The following TCN2 variants were observed in gnomAD, a reference collection of about 807,000 sequenced individuals.
TCN2 encodes transcobalamin-2.
A neutral mutation model predicts 48.6 loss-of-function variants in TCN2; 34 were observed. The ratio of observed to expected loss-of-function variants is 0.70; its 90% CI spans 0.53 to 0.93. The LOEUF (loss-of-function observed/expected upper bound fraction) is 0.93, where lower values mean the gene tolerates loss of function less well. Among genes scored for constraint, TCN2 ranks in the 40% least tolerant of loss-of-function variants. The pLI is 0.00. For synonymous variants in TCN2, 283 were observed against 212.5 expected, an observed-to-expected ratio of 1.33 and a Z score of -2.89; for missense variants, 652 against 526.1, an observed-to-expected ratio of 1.24 and a Z score of -2.34.
chr22:30,616,783 A>G (rs1482825009), intron 6 of TCN2, among the ~76,000 whole-genome samples: 1 of 152,216 alleles, frequency 6.6e-6, no homozygotes, highest in Non-Finnish European at 1.5e-5. Context: ...CCTGGGCGAC[A>G]GTGTGAGACT....
rs538876353 is a variant in TCN2 at position 30,607,186 on chromosome 22, G to A, written c.-146G>A. ...GCCCCACCCCTCTGCAGACTTAGCC[G>A]TGCATTGCAGGCATGGAGGATTAAT... is the stretch of plus-strand genomic sequence containing the variant. On this transcript the variant is annotated 5_prime_UTR_variant, in exon 1 of 9. The change creates a new upstream start codon in the 5' untranslated region. Coordinates refer to ENST00000215838, the MANE Select transcript of TCN2 (RefSeq NM_000355.4). 11 of 750,880 alleles carry A rather than the reference G, an allele frequency of 1.5e-5. No individual in the cohort carries two copies. Among genetic ancestry groups the A allele is most frequent in the Admixed American group, 3.8e-5 (2 of 53,052 alleles). The allele number at this position is 750,880 out of a possible 1,614,324, so 46.5% of individuals were successfully genotyped here.
chr22:30,626,305 T>A (rs2087808791), intron 8 of TCN2, among the ~76,000 whole-genome samples, 155 bp from the exon 9 acceptor site: 1 of 152,106 alleles, frequency 6.6e-6, no homozygotes, highest in South Asian at 2.1e-4. Context: ...GTTCAGAGTC[T>A]TTGAGCAGGC....
intron 2 of TCN2, among the ~76,000 whole-genome samples, chr22:30,611,432 C>T (rs144401953): frequency 1.2e-4 from 18 of 152,338 alleles, no homozygotes; most frequent in African/African-American, 4.1e-4. Flanking sequence ...GAAGCAGCAT[C>T]TGACTCTGTA....
intron 2 of TCN2, among the ~76,000 whole-genome samples, chr22:30,612,462 A>C (rs2087555635): frequency 6.6e-6 from 1 of 152,282 alleles, no homozygotes. Context: ...AGGCAGAAGA[A>C]TCGCTTGAAC....
At position 30,615,679 on chromosome 22, in the gene TCN2, C is replaced by G. The variant is rs1345486535; in HGVS notation, c.832C>G (p.Leu278Val). 1 of 1,614,114 alleles carries G rather than the reference C, an allele frequency of 6.2e-7. No homozygotes were observed. Among genetic ancestry groups the G allele is most frequent in the Admixed American group, 1.7e-5 (1 of 60,010 alleles). ...GGCGAGGGTTGCTTTGCTGGCCAGT[C>G]TGCAGGATGGAGCCTTCCAGAATGC... is the stretch of plus-strand genomic sequence containing the variant. ...LKARVALLAS[L>V]QDGAFQNALM... Residue 278 changes from leucine (L) to valine (V), a missense_variant, in exon 6 of 9, where the codon CTG (leucine) becomes GTG (valine). Coordinates refer to ENST00000215838, the MANE Select transcript of TCN2 (RefSeq NM_000355.4).
At chr22:30,608,988 G>A (rs1255908197) in intron 1 of TCN2, among the ~76,000 whole-genome samples, 1 of 152,208 alleles carries the variant, frequency 6.6e-6, no homozygotes, top group East Asian at 1.9e-4. Flanking sequence ...TATCTGTAAA[G>A]TGGGCTAAGA....
chr22:30,623,173 C>T (rs1336066460), intron 8 of TCN2, 90 bp downstream of exon 8: 1 of 1,297,998 alleles, frequency 7.7e-7, no homozygotes, highest in Non-Finnish European at 1.1e-6. Flanking sequence ...CTTTCCCTAG[C>T]ACCCTCCTGG....
intron 4 of TCN2, 64 bp from the exon 5 acceptor site, chr22:30,615,237 G>T: frequency 6.3e-7 from 1 of 1,581,750 alleles, no homozygotes. Flanking sequence ...TGACCCTCAA[G>T]CCCCTGCCTG....
rs370882214 is a variant in TCN2 at position 30,607,234 on chromosome 22, T to G, written c.-98T>G. 350 of 1,307,436 alleles carry G rather than the reference T, an allele frequency of 2.7e-4. 2 individuals are homozygous for G. The African/African-American group carries it at 4.7e-3, about 18-fold the overall frequency. The allele number at this position is 1,307,436 out of a possible 1,614,324, so 81.0% of individuals were successfully genotyped here. A position where few individuals can be genotyped will look rare whatever the true frequency, so the allele number is the denominator to read the frequency against. On this transcript the variant is annotated 5_prime_UTR_variant, in exon 1 of 9. Transcript: ENST00000215838. ...AATCAGTGACAGGAAGCTGCGTCTC[T>G]CGGAGCGGTGACCAGCTGTGGTCAG... is the stretch of plus-strand genomic sequence containing the variant.
chr22:30,614,541 C>T (rs760315833), intron 4 of TCN2, 40 bp downstream of exon 4: 2 of 1,612,858 alleles, frequency 1.2e-6, no homozygotes, highest in Non-Finnish European at 1.7e-6. Flanking sequence ...GCTGGCACTC[C>T]CTCAGTCCCC....
chr22:30,610,494 G>T (rs900178719), intron 1 of TCN2, among the ~76,000 whole-genome samples: 4 of 152,236 alleles, frequency 2.6e-5, no homozygotes, highest in African/African-American at 9.6e-5. Flanking sequence ...CCTCTTCTGT[G>T]CAAAGCAATG....
chr22:30,612,674 A>G (rs2145539738), intron 2 of TCN2, among the ~76,000 whole-genome samples, 199 bp from the exon 3 acceptor site: 1 of 152,352 alleles, frequency 6.6e-6, no homozygotes, highest in African/African-American at 2.4e-5. Flanking sequence ...TTATTCTTGA[A>G]TCTAACTGTT....
chr22:30,616,386 G>A (rs2087613033), intron 6 of TCN2, among the ~76,000 whole-genome samples: 4 of 151,684 alleles, frequency 2.6e-5, no homozygotes, highest in African/African-American at 9.7e-5. Context: ...TACTCAGGAG[G>A]CTGAGGCAAG....
chr22:30,625,399 AT>A (rs200511634), intron 8 of TCN2, among the ~76,000 whole-genome samples: 12 of 87,144 alleles, frequency 1.4e-4, no homozygotes, highest in Admixed American at 2.4e-4. Context: ...TTGTTTTTTA[AT>A]TTAAAAAAAA....
rs2087823128 is a variant in TCN2 at position 30,627,214 on chromosome 22, G to A, written c.*693G>A. On this transcript the variant is annotated 3_prime_UTR_variant, in exon 9 of 9. Coordinates refer to ENST00000215838, the MANE Select transcript of TCN2 (RefSeq NM_000355.4). ...GCCAGCAGTGATGACATTGACTACT[G>A]ACTGAGCACCCACTACTATGACTGA... is the stretch of plus-strand genomic sequence containing the variant. 1 of 161,166 alleles carries A rather than the reference G, an allele frequency of 6.2e-6. No homozygotes were observed. 10.0% of individuals were successfully genotyped at this position (161,166 alleles called of 1,614,324 possible). A position where few individuals can be genotyped will look rare whatever the true frequency, so the allele number is the denominator to read the frequency against.
chr22:30,610,626 C>G (rs774748503), intron 1 of TCN2, among the ~76,000 whole-genome samples: 1 of 152,244 alleles, frequency 6.6e-6, no homozygotes, highest in Non-Finnish European at 1.5e-5. Context: ...GTAGCATCCT[C>G]TATCTTCAGC....
At chr22:30,607,668 C>T (rs868487423) in intron 1 of TCN2, among the ~76,000 whole-genome samples, 3 of 152,224 alleles carry the variant, frequency 2.0e-5, no homozygotes, top group Middle Eastern at 6.8e-3. Flanking sequence ...CTTTGGGGAA[C>T]GTGCAAAGCA....
At chr22:30,622,817 C>G (rs1602055505) in intron 7 of TCN2, 151 bp from the exon 8 acceptor site, 1 of 775,604 alleles carries the variant, frequency 1.3e-6, no homozygotes. Context: ...AAGTTGAGAT[C>G]ACAGACCTGT....
At chr22:30,609,724 A>C (rs1348847497) in intron 1 of TCN2, among the ~76,000 whole-genome samples, 3 of 152,118 alleles carry the variant, frequency 2.0e-5, no homozygotes, top group Non-Finnish European at 4.4e-5. Flanking sequence ...AAAGGGAAAA[A>C]AGCAACCCCC....
Sources: gnomAD v4.1 joint callset for allele counts (sites outside exome capture counted in the v4.1 genomes callset) on GRCh38, gnomAD v4.1.1 for gene constraint, MANE v1.5 for transcripts, NCBI Gene and HGNC (gene_info 2026-07-23, HGNC 2026-07-21) for gene names.